Variants in RABGEF1 observed in about 807,000 individuals in gnomAD.
The protein encoded by RABGEF1 is rab5 GDP/GTP exchange factor.
A neutral mutation model predicts 57.3 loss-of-function variants in RABGEF1; 26 were observed. That is an observed-to-expected ratio of 0.45 (90% CI 0.33 to 0.63). The LOEUF is 0.63. Among genes scored for constraint, RABGEF1 ranks in the 20% least tolerant of loss-of-function variants. The pLI is 0.02. For synonymous variants in RABGEF1, 185 were observed against 210.7 expected, an observed-to-expected ratio of 0.88 and a Z score of 1.06; for missense variants, 464 against 607.6, an observed-to-expected ratio of 0.76 and a Z score of 2.48.
intron 7 of RABGEF1, among the ~76,000 whole-genome samples, chr7:66,804,208 C>T (rs147663040): frequency 1.1e-3 from 161 of 152,068 alleles, no homozygotes; most frequent in African/African-American, 3.6e-3. Flanking sequence ...CTCAGCCTTT[C>T]CAGTAGTTGG....
intron 1 of RABGEF1, among the ~76,000 whole-genome samples, chr7:66,752,575 A>G (rs550857062): frequency 1.8e-4 from 27 of 152,174 alleles, no homozygotes; most frequent in African/African-American, 6.5e-4. Context: ...GGAGTCTCCC[A>G]TTGGGAATGA....
At chr7:66,675,175 A>G in the RABGEF1 span, among the ~76,000 whole-genome samples, 2 of 152,148 alleles carry the variant, frequency 1.3e-5, no homozygotes, top group African/African-American at 2.4e-5. Flanking sequence ...AAATTGAGGC[A>G]TGGAGAGGTT....
intron 2 of RABGEF1, 33 bp from the exon 3 acceptor site, chr7:66,775,194 T>C: frequency 1.9e-6 from 3 of 1,585,646 alleles, no homozygotes; most frequent in South Asian, 1.1e-5. Flanking sequence ...TTGGAGAATA[T>C]CTAGGTCATT....
At chr7:66,703,668 T>C (rs1378758170) in intron 1 of RABGEF1, among the ~76,000 whole-genome samples, 1 of 152,212 alleles carries the variant, frequency 6.6e-6, no homozygotes, top group East Asian at 1.9e-4. Flanking sequence ...TCTGTCCTTA[T>C]GGCAGTATCA....
intron 1 of RABGEF1, among the ~76,000 whole-genome samples, chr7:66,759,476 C>T (rs1325058709): frequency 2.6e-5 from 4 of 152,138 alleles, no homozygotes; most frequent in Admixed American, 1.3e-4. Context: ...GGAGGTTGGT[C>T]ACATAGTATA....
chr7:66,777,062 A>G (rs1808727104), intron 3 of RABGEF1, among the ~76,000 whole-genome samples: 2 of 152,228 alleles, frequency 1.3e-5, no homozygotes, highest in South Asian at 2.1e-4. Flanking sequence ...TGCCTGACAC[A>G]CACAGTAGAT....
chr7:66,724,360 T>C (rs1329039033), intron 2 of RABGEF1, among the ~76,000 whole-genome samples: 1 of 151,534 alleles, frequency 6.6e-6, no homozygotes, highest in African/African-American at 2.4e-5. Context: ...AGTATTTATT[T>C]ATTTTATTTT....
chr7:66,693,441 G>A (rs1017824103), intron 1 of RABGEF1, among the ~76,000 whole-genome samples: 2 of 152,160 alleles, frequency 1.3e-5, no homozygotes, highest in African/African-American at 4.8e-5. Context: ...AGGGTGAGAA[G>A]GTAGGTCTCA....
chr7:66,735,683 CCTCT>C (rs940045149), intron 2 of RABGEF1, among the ~76,000 whole-genome samples: 1 of 151,810 alleles, frequency 6.6e-6, no homozygotes, highest in African/African-American at 2.4e-5. Flanking sequence ...AGCACCTCCC[CCTCT>C]CTCTCTCTTC....
At chr7:66,697,693 G>A (rs1385595324) in intron 1 of RABGEF1, among the ~76,000 whole-genome samples, 1 of 152,096 alleles carries the variant, frequency 6.6e-6, no homozygotes, top group East Asian at 1.9e-4. Flanking sequence ...TGGGGGAGGC[G>A]CAGACTGTGT....
intron 7 of RABGEF1, among the ~76,000 whole-genome samples, chr7:66,804,563 C>T (rs1364040308): frequency 6.6e-6 from 1 of 151,930 alleles, no homozygotes; most frequent in African/African-American, 2.4e-5. Flanking sequence ...GGTGAAACCC[C>T]GTTTCTACTA....
intron 2 of RABGEF1, among the ~76,000 whole-genome samples, chr7:66,735,627 G>C (rs959819855): frequency 6.6e-6 from 1 of 152,278 alleles, no homozygotes. Context: ...TGCTGTTCTC[G>C]TGATGGTGAG....
At chr7:66,783,644 T>C (rs754215665) in intron 3 of RABGEF1, 31 bp from the exon 4 acceptor site, 1 of 1,562,308 alleles carries the variant, frequency 6.4e-7, no homozygotes, top group East Asian at 2.3e-5. Flanking sequence ...TTTTATGTCA[T>C]GAAACTTACT....
chr7:66,749,653 A>T (rs546313189), intron 1 of RABGEF1, among the ~76,000 whole-genome samples: 2 of 152,256 alleles, frequency 1.3e-5, no homozygotes, highest in Non-Finnish European at 2.9e-5. Context: ...TAGCCTGGGC[A>T]ACAAAGCAAG....
chr7:66,711,400 T>C (rs11772264), intron 1 of RABGEF1, among the ~76,000 whole-genome samples: 75,555 of 150,746 alleles, frequency 0.5, 19,886 homozygotes, highest in East Asian at 0.74. Flanking sequence ...GATCTTTTTG[T>C]GCTAATTTTT....
intron 2 of RABGEF1, among the ~76,000 whole-genome samples, chr7:66,720,632 T>A (rs1302507528): frequency 3.3e-5 from 5 of 152,114 alleles, no homozygotes; most frequent in African/African-American, 1.2e-4. Flanking sequence ...TCCCTAAGAT[T>A]AGAAACAAGG....
intron 1 of RABGEF1, among the ~76,000 whole-genome samples, chr7:66,743,304 C>T (rs1004985940): frequency 3.4e-5 from 5 of 148,008 alleles, no homozygotes; most frequent in African/African-American, 9.9e-5. Flanking sequence ...AGCGAGACCT[C>T]GTCTCAAAAA....
upstream of RABGEF1, among the ~76,000 whole-genome samples, chr7:66,681,521 C>A (rs932260198): frequency 6.6e-6 from 1 of 151,962 alleles, no homozygotes; most frequent in Admixed American, 6.6e-5. Context: ...ACCTCAGCCT[C>A]CCCAGTAGTT....
rs777130707 is a variant in RABGEF1 at position 66,783,777 on chromosome 7, A to C, written c.449A>C (p.His150Pro). 1 of 1,613,678 alleles carries C rather than the reference A, an allele frequency of 6.2e-7. No homozygotes were observed. Among genetic ancestry groups the C allele is most frequent in the Non-Finnish European group, 8.5e-7 (1 of 1,179,754 alleles). Reference protein sequence around the residue: ...KEFIEFLKTFHKTGQEIYKQT... With the variant: ...KEFIEFLKTFPKTGQEIYKQT... ...TTCATAGAATTTCTCAAGACCTTCCACAAGACAGGCCAAGAAATCTATAAA... is the reference window on the plus strand; with the variant it reads ...TTCATAGAATTTCTCAAGACCTTCCCCAAGACAGGCCAAGAAATCTATAAA... The change falls in exon 4 of 9, where the codon CAC (histidine) becomes CCC (proline). Residue 150 changes from histidine (H) to proline (P), a missense_variant. His to Pro is a moderately conservative substitution (Grantham distance 77). Coordinates refer to ENST00000284957, the MANE Select transcript of RABGEF1 (RefSeq NM_014504.3).
Sources: gnomAD v4.1 joint callset for allele counts (sites outside exome capture counted in the v4.1 genomes callset) on GRCh38, gnomAD v4.1.1 for gene constraint, MANE v1.5 for transcripts, NCBI Gene and HGNC (gene_info 2026-07-23, HGNC 2026-07-21) for gene names.